The following GRHL2 variants were observed in gnomAD, a reference collection of about 807,000 sequenced individuals.
GRHL2 encodes grainyhead like transcription factor 2.
GRHL2 carries 21 observed loss-of-function variants against 83.8 expected under a neutral mutation model. The observed-to-expected ratio is 0.25, with a 90% CI of 0.18 to 0.36. The LOEUF (loss-of-function observed/expected upper bound fraction) is 0.36. Among genes scored for constraint, GRHL2 ranks in the 10% least tolerant of loss-of-function variants. GRHL2 has a pLI of 1.00. For synonymous variants in GRHL2, 280 were observed against 278.9 expected (o/e 1.00, Z -0.04); for missense variants, 623 against 781.8 (o/e 0.80, Z 2.42).
At chr8:101,561,071 AC>A (rs1811598205) in intron 4 of GRHL2, among the ~76,000 whole-genome samples, 1 of 150,596 alleles carries the variant, frequency 6.6e-6, no homozygotes, top group African/African-American at 2.4e-5. Flanking sequence ...AATGTCACAA[AC>A]TTTTTTTGTT....
At chr8:101,538,436 G>GA (rs564659850) in intron 1 of GRHL2, among the ~76,000 whole-genome samples, 91 of 146,632 alleles carry the variant, frequency 6.2e-4, no homozygotes, top group South Asian at 1.1e-3. Flanking sequence ...AAACGAACAA[G>GA]AAAAAAAAAA....
intron 7 of GRHL2, among the ~76,000 whole-genome samples, chr8:101,593,748 A>C (rs1812332524): frequency 6.6e-6 from 1 of 152,118 alleles, no homozygotes; most frequent in Non-Finnish European, 1.5e-5. Context: ...TGGGCCCTAC[A>C]TCCAATGACA....
intron 6 of GRHL2, 24 bp downstream of exon 6, chr8:101,573,848 A>C (rs1489096312): frequency 6.2e-7 from 1 of 1,613,906 alleles, no homozygotes; most frequent in South Asian, 1.1e-5. Context: ...TTCTCAGATA[A>C]AGTACAAAGG....
intron 11 of GRHL2, among the ~76,000 whole-genome samples, chr8:101,634,155 A>G (rs1813239065): frequency 6.6e-6 from 1 of 152,098 alleles, no homozygotes; most frequent in Non-Finnish European, 1.5e-5. Context: ...CTGCCTATAT[A>G]TCCCCCTGTA....
chr8:101,616,641 C>A (rs2130362793), intron 8 of GRHL2, among the ~76,000 whole-genome samples: 1 of 152,222 alleles, frequency 6.6e-6, no homozygotes, highest in South Asian at 2.1e-4. Context: ...ATGCCCAGGG[C>A]TCTGTTTTGT....
intron 9 of GRHL2, among the ~76,000 whole-genome samples, chr8:101,620,978 AG>A (rs1184031807): frequency 6.6e-6 from 1 of 152,170 alleles, no homozygotes; most frequent in Non-Finnish European, 1.5e-5. Flanking sequence ...TGAAAAAAAA[AG>A]GTGAAAAGGA....
chr8:101,663,690 TTA>T (rs1412302018), intron 14 of GRHL2, among the ~76,000 whole-genome samples: 2 of 152,066 alleles, frequency 1.3e-5, no homozygotes, highest in African/African-American at 4.8e-5. Context: ...AAATTTTAAA[TTA>T]TGACTGTGTG....
chr8:101,645,114 G>A (rs1431423319), intron 13 of GRHL2, among the ~76,000 whole-genome samples: 2 of 127,606 alleles, frequency 1.6e-5, no homozygotes, highest in African/African-American at 3.1e-5. Flanking sequence ...CAGCAGTACA[G>A]AATTTTTTTT....
rs141006723 is a variant in GRHL2, at chr8:101,595,503, C to T, written c.1004-3554C>T. On this transcript the variant is annotated intron_variant, in intron 7 of 15. Transcript: ENST00000646743. ...ATGTGTATTTAAAACTTCAAAGTTG[C>T]GAGACTATCTTTTAGAATAATTAGC... Among the ~76,000 whole-genome samples, 830 of 152,196 alleles carry T rather than the reference C, an allele frequency of 5.5e-3. 13 individuals are homozygous for T. Among genetic ancestry groups the T allele is most frequent in the East Asian group, 0.047 (243 of 5,172 alleles).
chr8:101,640,475 T>C (rs546228593), intron 12 of GRHL2, among the ~76,000 whole-genome samples: 93 of 152,338 alleles, frequency 6.1e-4, no homozygotes, highest in Middle Eastern at 3.4e-3. Flanking sequence ...GTGGAATTTA[T>C]GGATGTCTCT....
intron 8 of GRHL2, among the ~76,000 whole-genome samples, chr8:101,615,020 G>A (rs533722486): frequency 6.6e-6 from 1 of 152,280 alleles, no homozygotes; most frequent in African/African-American, 2.4e-5. Context: ...GCAGATTCTT[G>A]TGTTGTTTAC....
chr8:101,505,278 A>C (rs1810314532), intron 1 of GRHL2, among the ~76,000 whole-genome samples: 2 of 152,056 alleles, frequency 1.3e-5, no homozygotes, highest in African/African-American at 4.8e-5. Flanking sequence ...TGTTCTTCGG[A>C]TGTTAAAAGT....
intron 3 of GRHL2, among the ~76,000 whole-genome samples, chr8:101,556,181 T>A (rs1811485700): frequency 6.6e-6 from 1 of 152,112 alleles, no homozygotes; most frequent in Non-Finnish European, 1.5e-5. Context: ...AGTCTCGAAC[T>A]CCCGACCTCA....
rs189382528 is a variant in GRHL2, at chr8:101,606,369, G to A, written c.1098+7218G>A. On this transcript the variant is annotated intron_variant, in intron 8 of 15. Transcript: ENST00000646743. The stretch of plus-strand genomic sequence containing the variant: ...TTGATATTTCCTCTGGGCCCTATTT[G>A]CATTAATAGTTTTGCCCCATTGCCT... 7.0e-4 allele frequency among the ~76,000 whole-genome samples: 107 copies of A among 152,264 alleles called. 1 individual carries two copies. The highest frequency in any genetic ancestry group is 9.8e-4 in the Non-Finnish European group (67 of 68,028).
chr8:101,660,916 A>G (rs1813906394), intron 14 of GRHL2, among the ~76,000 whole-genome samples: 1 of 152,174 alleles, frequency 6.6e-6, no homozygotes, highest in African/African-American at 2.4e-5. Context: ...GATTTTGCAA[A>G]AATAGTTTAA....
the GRHL2 span, among the ~76,000 whole-genome samples, chr8:101,675,224 G>A: frequency 6.6e-6 from 1 of 152,162 alleles, no homozygotes; most frequent in Non-Finnish European, 1.5e-5. Context: ...TTAGGCAGAA[G>A]AAGGAAATGA....
At chr8:101,574,089 A>T (rs1811883842) in intron 6 of GRHL2, among the ~76,000 whole-genome samples, 1 of 152,170 alleles carries the variant, frequency 6.6e-6, no homozygotes, top group Non-Finnish European at 1.5e-5. Context: ...CTCACTGCTT[A>T]TGTGCTTCCT....
At chr8:101,678,411 G>A in the GRHL2 span, among the ~76,000 whole-genome samples, 28 of 152,180 alleles carry the variant, frequency 1.8e-4, no homozygotes, top group South Asian at 4.2e-4. Flanking sequence ...ATTATATCCC[G>A]CACCTGGCTC....
At chr8:101,597,498 C>A (rs1215424011) in intron 7 of GRHL2, among the ~76,000 whole-genome samples, 1 of 152,012 alleles carries the variant, frequency 6.6e-6, no homozygotes, top group African/African-American at 2.4e-5. Flanking sequence ...TACTATGCAG[C>A]CATAAAAAAT....
Sources: gnomAD v4.1 joint callset for allele counts (sites outside exome capture counted in the v4.1 genomes callset) on GRCh38, gnomAD v4.1.1 for gene constraint, MANE v1.5 for transcripts, NCBI Gene and HGNC (gene_info 2026-07-23, HGNC 2026-07-21) for gene names.